CR2: variants seen among roughly 807,000 people sequenced by gnomAD.
The protein encoded by CR2 is complement receptor type 2.
CR2 carries 96 observed loss-of-function variants against 123.0 expected under a neutral mutation model. The ratio of observed to expected loss-of-function variants is 0.78; its 90% CI spans 0.66 to 0.93. The LOEUF (loss-of-function observed/expected upper bound fraction) is 0.93. Among genes scored for constraint, CR2 ranks in the 40% least tolerant of loss-of-function variants. The pLI is 0.00. For synonymous variants in CR2, 484 were observed against 469.5 expected (o/e 1.03, Z -0.40); for missense variants, 1,258 against 1,361.0 (o/e 0.92, Z 1.19).
chr1:207,454,449 T>G lies in CR2; in HGVS notation c.31T>G (p.Leu11Val). 1 of 1,583,424 alleles carries G rather than the reference T, an allele frequency of 6.3e-7. No individual in the cohort carries two copies. Among genetic ancestry groups the G allele is most frequent in the East Asian group, 2.3e-5 (1 of 43,580 alleles). The change falls in exon 1 of 20, where the codon TTG (leucine) becomes GTG (valine). Residue 11 changes from leucine to valine, a missense_variant. Coordinates refer to ENST00000367057, the MANE Select transcript of CR2 (RefSeq NM_001006658.3). The surrounding 1 kb of genome is among the most constrained non-coding windows in gnomAD (Gnocchi z 4.3). MGAAGLLGVF[L>V]ALVAPGVLGI... ...CGCCGCGGGCCTGCTCGGGGTTTTC[T>G]TGGCTCTCGTCGCACCGGGGGTCCT... is the stretch of plus-strand genomic sequence containing the variant.
rs572513073 is a variant in CR2, at chr1:207,479,192, G to A, written c.3089-65G>A. 68 of 1,250,128 alleles carry A rather than the reference G, an allele frequency of 5.4e-5. 2 individuals are homozygous for A. The highest frequency in any genetic ancestry group is 3.8e-4 in the South Asian group (32 of 83,528). The allele number at this position is 1,250,128 out of a possible 1,614,324, so 77.4% of individuals were successfully genotyped here. Reference sequence around the variant, plus strand: ...GATTTCTGGGACATTACCATGAAACGTGGGGCTACATTGAATTATGACACT... The same window carrying A: ...GATTTCTGGGACATTACCATGAAACATGGGGCTACATTGAATTATGACACT... On this transcript the variant is annotated intron_variant, in intron 16 of 19. Coordinates refer to ENST00000367057, the MANE Select transcript of CR2 (RefSeq NM_001006658.3).
At position 207,469,950 on chromosome 1, in the gene CR2, G is replaced by T; in HGVS notation, c.1073G>T (p.Arg358Ile). 1 of 1,614,006 alleles carries T rather than the reference G, an allele frequency of 6.2e-7. No individual in the cohort carries two copies. The highest frequency in any genetic ancestry group is 8.5e-7 in the Non-Finnish European group (1 of 1,179,934). The change falls in exon 6 of 20, where the codon AGA (arginine) becomes ATA (isoleucine). Residue 358 changes from arginine (R) to isoleucine (I), a missense_variant. Transcript: ENST00000367057. Reference protein sequence around the residue: ...AVQCPHPQILRGRMVSGQKDR... With the variant: ...AVQCPHPQILIGRMVSGQKDR... ...CAGTGTCCACATCCCCAGATCCTAA[G>T]AGGCCGAATGGTATCTGGGCAGAAA... is the stretch of plus-strand genomic sequence containing the variant.
chr1:207,472,328 G>A (rs958279958), intron 9 of CR2, among the ~76,000 whole-genome samples: 1 of 151,980 alleles, frequency 6.6e-6, no homozygotes, highest in Non-Finnish European at 1.5e-5. Context: ...TTGTACTATT[G>A]CTACTTTCTG....
At chr1:207,478,575 A>T (rs1658512471) in intron 16 of CR2, among the ~76,000 whole-genome samples, 1 of 151,162 alleles carries the variant, frequency 6.6e-6, no homozygotes, top group Non-Finnish European at 1.5e-5. Flanking sequence ...TAAAATAAAA[A>T]AGAAAAAGGA....
chr1:207,472,636 ACACAACT>A (rs1658312648), intron 9 of CR2, 129 bp from the exon 10 acceptor site: 3 of 827,444 alleles, frequency 3.6e-6, no homozygotes, highest in Non-Finnish European at 5.7e-6. Context: ...ATGAGCTTTC[ACACAACT>A]CACATCATGA....
chr1:207,474,787 A>G, intron 13 of CR2, 37 bp from the exon 14 acceptor site: 6 of 1,610,914 alleles, frequency 3.7e-6, no homozygotes, highest in Non-Finnish European at 5.1e-6. Flanking sequence ...ACCTTGAGGT[A>G]CTAGCTGAAG....
At position 207,475,164 on chromosome 1, in the gene CR2, G is replaced by T. The variant is rs1006565326; in HGVS notation, c.2664G>T (p.Arg888Ser). 1 of 1,613,208 alleles carries T rather than the reference G, an allele frequency of 6.2e-7. No homozygotes were observed. Among genetic ancestry groups the T allele is most frequent in the African/African-American group, 1.3e-5 (1 of 74,858 alleles). Residue 888 changes from arginine to serine, a missense_variant, in exon 14 of 20, where the codon AGG (arginine) becomes AGT (serine). Transcript: ENST00000367057. ...GFIMNGSRVI[R>S]CHTDNTWVPG... ...TCATGAATGGTAGTCGCGTGATTAG[G>T]TGTCATACTGATAACACATGGGTGC...
At chr1:207,472,036 T>C in intron 9 of CR2, 1 of 182,496 alleles carries the variant, frequency 5.5e-6, no homozygotes, top group South Asian at 1.2e-4. Flanking sequence ...GATCACAAGG[T>C]CAGGAGATCA....
chr1:207,458,724 C>T (rs761858308), intron 1 of CR2, among the ~76,000 whole-genome samples: 6 of 152,212 alleles, frequency 3.9e-5, no homozygotes, highest in Non-Finnish European at 8.8e-5. Context: ...GCCACCCTGT[C>T]CCTTCTCCTT....
Position 207,473,672 on chromosome 1 carries a change from T to G in CR2, c.2106T>G (p.Ile702Met). The change falls in exon 11 of 20, where the codon ATT becomes ATG. Residue 702 changes from isoleucine (I) to methionine (M), a missense_variant. By Grantham distance (10) the Ile-to-Met change is conservative. Transcript: ENST00000367057. ...ATTTGCTTGTGGGAAACAAATCCAT[T>G]CACTGTATGCCTTCAGGAAATTGGA... The part of the protein sequence containing the change: ...PGYLLVGNKS[I>M]HCMPSGNWSP... The G allele has an allele frequency of 6.2e-7, 1 of 1,614,010 alleles. No homozygotes were observed. The highest frequency in any genetic ancestry group is 8.5e-7 in the Non-Finnish European group (1 of 1,179,898).
chr1:207,483,764 G>T (rs1301665860), intron 18 of CR2, among the ~76,000 whole-genome samples: 1 of 152,142 alleles, frequency 6.6e-6, no homozygotes, highest in Non-Finnish European at 1.5e-5. Context: ...AAGATGAGGA[G>T]TTCGGTTCTG....
At chr1:207,484,680 T>C (rs4314882) in intron 18 of CR2, among the ~76,000 whole-genome samples, 150,129 of 152,360 alleles carry the variant, frequency 0.99, 73,971 homozygotes, top group Middle Eastern at 1. Flanking sequence ...TTTTGTATTA[T>C]GTTATTTTAG....
chr1:207,467,994 G>A (rs970381569), intron 2 of CR2, among the ~76,000 whole-genome samples: 7 of 152,000 alleles, frequency 4.6e-5, no homozygotes, highest in African/African-American at 1.5e-4. Context: ...TTAAGGATAG[G>A]GTGAGAATAT....
At chr1:207,460,041 A>G (rs1342794882) in intron 1 of CR2, among the ~76,000 whole-genome samples, 1 of 152,184 alleles carries the variant, frequency 6.6e-6, no homozygotes, top group Non-Finnish European at 1.5e-5. Flanking sequence ...TGTCATTGCC[A>G]CTGATTAAAT....
rs1658112111 is a variant in CR2, at chr1:207,466,779, C to T, written c.312C>T (p.Gly104=). 1.2e-6 allele frequency: 2 copies of T among 1,613,716 alleles called. No individual in the cohort carries two copies. The highest frequency in any genetic ancestry group is 2.2e-5 in the South Asian group (2 of 91,050). Residue 104 remains glycine (G), a synonymous_variant, in exon 2 of 20, where the codon GGC becomes GGT. Transcript: ENST00000367057. ...PIVPGGYKIR[G]STPYRHGDSV... ...TACCAGGAGGATACAAAATTAGAGG[C>T]TCTACACCCTACAGACATGGTGATT...
At chr1:207,481,021 C>A (rs193273537) in intron 18 of CR2, among the ~76,000 whole-genome samples, 1 of 152,042 alleles carries the variant, frequency 6.6e-6, no homozygotes, top group Admixed American at 6.6e-5. Context: ...TAGGTCTTTC[C>A]ATTTGATCAA....
chr1:207,479,810 C>A (rs1001608601), intron 17 of CR2, among the ~76,000 whole-genome samples, 168 bp from the exon 18 acceptor site: 3 of 152,086 alleles, frequency 2.0e-5, no homozygotes, highest in Non-Finnish European at 2.9e-5. Context: ...ATCAGAAAAA[C>A]CTTAAGCTCA....
chr1:207,477,557 A>G (rs1476828239), intron 15 of CR2, among the ~76,000 whole-genome samples: 2 of 152,222 alleles, frequency 1.3e-5, no homozygotes, highest in African/African-American at 4.8e-5. Flanking sequence ...GCAGAAAATA[A>G]CAGTAATTCA....
intron 1 of CR2, among the ~76,000 whole-genome samples, chr1:207,463,336 T>C (rs774438789): frequency 6.6e-6 from 1 of 152,150 alleles, no homozygotes; most frequent in Non-Finnish European, 1.5e-5. Flanking sequence ...AATTGCCACA[T>C]ACTTTTTAAA....
Sources: gnomAD v4.1 joint callset for allele counts (sites outside exome capture counted in the v4.1 genomes callset) on GRCh38, gnomAD v4.1.1 for gene constraint, Gnocchi (gnomAD v3.1) non-coding constraint, MANE v1.5 for transcripts, NCBI Gene and HGNC (gene_info 2026-07-23, HGNC 2026-07-21) for gene names.